Variants in ERAP1 observed in about 807,000 individuals in gnomAD.
ERAP1 encodes the protein endoplasmic reticulum aminopeptidase 1, also known as adipocyte-derived leucine aminopeptidase.
In ERAP1, 86 loss-of-function variants were observed where a neutral mutation model predicts 103.7. The ratio of observed to expected loss-of-function variants is 0.83; its 90% confidence interval spans 0.70 to 0.99. ERAP1 has a LOEUF of 0.99. ERAP1 is among the 50% of genes least tolerant of loss of function. ERAP1 has a pLI of 0.00. For synonymous variants in ERAP1, 398 were observed against 402.4 expected, an observed-to-expected ratio of 0.99 and a Z score of 0.13; for missense variants, 1,009 against 1,128.4, an observed-to-expected ratio of 0.89 and a Z score of 1.52.
At chr5:96,761,564 T>C (rs1196062854) in exon 20 of ERAP1, 1 of 152,324 alleles carries the variant, frequency 6.6e-6, no homozygotes, top group Non-Finnish European at 1.5e-5. Flanking sequence ...AAGCTATCCA[T>C]AGTTGGAGTC....
At chr5:96,782,234 C>G (rs1775313455) in intron 15 of ERAP1, among the ~76,000 whole-genome samples, 1 of 152,016 alleles carries the variant, frequency 6.6e-6, no homozygotes, top group Non-Finnish European at 1.5e-5. Flanking sequence ...TGGTCTTGAT[C>G]CCCTGACCTC....
chr5:96,836,176 G>GTTTTTTTTTTTTTTTTTTTTTTT, the ERAP1 span, among the ~76,000 whole-genome samples: 14 of 106,680 alleles, frequency 1.3e-4, no homozygotes, highest in Non-Finnish European at 1.6e-4. Flanking sequence ...CACCTCTTTG[G>GTTTTTTTTTTTTTTTTTTTTTTT]TTTTTTTTTT....
chr5:96,782,894 GA>G (rs1339173431), intron 15 of ERAP1, among the ~76,000 whole-genome samples, 156 bp downstream of exon 15: 1 of 152,154 alleles, frequency 6.6e-6, no homozygotes, highest in East Asian at 1.9e-4. Flanking sequence ...AAAGTTACGA[GA>G]TACATAGATA....
At chr5:96,886,454 G>C in the ERAP1 span, among the ~76,000 whole-genome samples, 1 of 152,160 alleles carries the variant, frequency 6.6e-6, no homozygotes, top group Non-Finnish European at 1.5e-5. Flanking sequence ...AGGGCTTTTT[G>C]TTTTCAACAG....
upstream of ERAP1, among the ~76,000 whole-genome samples, chr5:96,810,740 A>T (rs1779104215): frequency 6.6e-6 from 1 of 152,192 alleles, no homozygotes; most frequent in South Asian, 2.1e-4. Flanking sequence ...GCTATTACTG[A>T]TCTACTTAAA....
intron 19 of ERAP1, among the ~76,000 whole-genome samples, chr5:96,764,187 A>G (rs139158768): frequency 6.6e-6 from 1 of 152,334 alleles, no homozygotes; most frequent in African/African-American, 2.4e-5. Flanking sequence ...GGATTTTGCT[A>G]TAATAATACT....
chr5:96,886,576 C>G, the ERAP1 span: 1 of 1,284,108 alleles, frequency 7.8e-7, no homozygotes, highest in Non-Finnish European at 1.0e-6. Context: ...TTGCCTCTAA[C>G]TCACCTGCCA....
the ERAP1 span, among the ~76,000 whole-genome samples, chr5:96,878,075 C>G: frequency 3.3e-5 from 5 of 152,152 alleles, no homozygotes; most frequent in African/African-American, 1.2e-4. Flanking sequence ...AATTGATTCC[C>G]CCAAATTAAC....
intron 18 of ERAP1, among the ~76,000 whole-genome samples, chr5:96,777,849 T>C (rs1439561913): frequency 6.6e-6 from 1 of 152,246 alleles, no homozygotes; most frequent in East Asian, 1.9e-4. Flanking sequence ...TCATCTCTTC[T>C]GTCTTCACCT....
At chr5:96,820,979 G>A in the ERAP1 span, among the ~76,000 whole-genome samples, 1 of 149,980 alleles carries the variant, frequency 6.7e-6, no homozygotes, top group South Asian at 2.1e-4. Context: ...GGAAGAGAGA[G>A]GAAGAGAGAA....
the ERAP1 span, among the ~76,000 whole-genome samples, chr5:96,836,015 T>G: frequency 6.6e-6 from 1 of 152,196 alleles, no homozygotes; most frequent in Non-Finnish European, 1.5e-5. Context: ...AAGGAACAAC[T>G]TCTCTCCATG....
the ERAP1 span, among the ~76,000 whole-genome samples, chr5:96,899,434 T>C: frequency 6.6e-6 from 1 of 152,192 alleles, no homozygotes; most frequent in Non-Finnish European, 1.5e-5. Flanking sequence ...TACATGTCAA[T>C]AGCAACTTGA....
chr5:96,900,388 G>T, the ERAP1 span: 1 of 842,298 alleles, frequency 1.2e-6, no homozygotes, highest in Non-Finnish European at 1.7e-6. Context: ...CTATATTTTT[G>T]TTGTTATAGT....
At chr5:96,891,387 G>GTA in the ERAP1 span, among the ~76,000 whole-genome samples, 1 of 147,142 alleles carries the variant, frequency 6.8e-6, no homozygotes, top group East Asian at 2.0e-4. Context: ...ATATATATAT[G>GTA]TGTATACATA....
chr5:96,861,718 G>A, the ERAP1 span, among the ~76,000 whole-genome samples: 1 of 152,120 alleles, frequency 6.6e-6, no homozygotes, highest in Non-Finnish European at 1.5e-5. Context: ...CTTTACAAAT[G>A]AGGAAAGTGA....
the ERAP1 span, among the ~76,000 whole-genome samples, chr5:96,850,783 A>T: frequency 6.6e-6 from 1 of 152,236 alleles, no homozygotes; most frequent in East Asian, 1.9e-4. Flanking sequence ...TTTTAAAAAA[A>T]GATTTGCTGG....
chr5:96,934,487 T>C, the ERAP1 span: 3 of 152,362 alleles, frequency 2.0e-5, no homozygotes, highest in South Asian at 6.2e-4. Context: ...AAGGCCTTTG[T>C]TACCAAAATA....
chr5:96,781,104 G>T lies in ERAP1; in HGVS notation c.2542C>A (p.Leu848Met). The change falls in exon 17 of 19, where the codon CTG (leucine) becomes ATG (methionine). Residue 848 changes from leucine to methionine, a missense_variant. Around this residue, in one of 3 missense-constraint regions of ERAP1, gnomAD observed 611 missense variants for 651.7 expected, o/e 0.94. Coordinates refer to ENST00000443439, the MANE Select transcript of ERAP1 (RefSeq NM_001040458.3). ...TTTTTCCTCAGAAATTGCCAGGCCA[G>T]TGGGTATCCTACTGGGTTCCTGCCA... ...LIGRNPVGYP[L>M]AWQFLRKNWN... 1.2e-6 allele frequency: 2 copies of T among 1,613,678 alleles called. No homozygotes were observed. Among genetic ancestry groups the T allele is most frequent in the Non-Finnish European group, 1.7e-6 (2 of 1,179,936 alleles).
the ERAP1 span, among the ~76,000 whole-genome samples, chr5:96,832,225 G>C: frequency 6.6e-6 from 1 of 152,164 alleles, no homozygotes; most frequent in South Asian, 2.1e-4. Context: ...ATATTGACTG[G>C]TATCAAAGCA....
Sources: gnomAD v4.1 joint callset for allele counts (sites outside exome capture counted in the v4.1 genomes callset) on GRCh38, gnomAD v4.1.1 for gene constraint, gnomAD v4.1.1 regional missense constraint, MANE v1.5 for transcripts, NCBI Gene and HGNC (gene_info 2026-07-23, HGNC 2026-07-21) for gene names.